Variants in ESR1 observed in about 807,000 individuals in gnomAD.
ESR1 encodes the protein estrogen receptor.
A neutral mutation model predicts 52.7 loss-of-function variants in ESR1; 12 were observed. The observed-to-expected ratio is 0.23, with a 90% CI of 0.15 to 0.37. The LOEUF is 0.37. Among genes scored for constraint, ESR1 ranks in the 10% least tolerant of loss-of-function variants. ESR1 has a pLI of 1.00. For missense variants in ESR1, 584 were observed against 779.7 expected, an observed-to-expected ratio of 0.75 and a Z score of 2.99; for synonymous variants, 305 against 316.8, an observed-to-expected ratio of 0.96 and a Z score of 0.39.
At chr6:152,034,783 G>A (rs890362688) in intron 5 of ESR1, among the ~76,000 whole-genome samples, 1 of 152,160 alleles carries the variant, frequency 6.6e-6, no homozygotes, top group African/African-American at 2.4e-5. Flanking sequence ...AGATCTTAAC[G>A]AGGTTTTTAC....
At chr6:151,870,495 A>G (rs570155860) in intron 2 of ESR1, among the ~76,000 whole-genome samples, 63 of 152,286 alleles carry the variant, frequency 4.1e-4, no homozygotes, top group Non-Finnish European at 7.5e-4. Context: ...TATTTCACCA[A>G]CCCTACCATG....
intron 5 of ESR1, among the ~76,000 whole-genome samples, chr6:152,037,605 A>G (rs1456818978): frequency 1.6e-4 from 24 of 152,160 alleles, no homozygotes; most frequent in Non-Finnish European, 5.9e-5. Flanking sequence ...AATAAAGGTA[A>G]GTGTTAAGTG....
chr6:152,125,321 T>C (rs1043384487), exon 7 of ESR1: 35 of 1,550,316 alleles, frequency 2.3e-5, no homozygotes, highest in Non-Finnish European at 3.1e-5. Context: ...CTAAAATATT[T>C]GGAAACAAGT....
intron 4 of ESR1, among the ~76,000 whole-genome samples, chr6:151,979,339 T>C (rs912318789): frequency 6.6e-6 from 1 of 152,200 alleles, no homozygotes; most frequent in Non-Finnish European, 1.5e-5. Flanking sequence ...CAAGGTTACT[T>C]ATTTTTTTTA....
intron 1 of ESR1, among the ~76,000 whole-genome samples, chr6:151,672,755 G>T (rs1023640319): frequency 7.0e-6 from 1 of 142,906 alleles, no homozygotes; most frequent in African/African-American, 2.7e-5. Flanking sequence ...TTACAGGCGT[G>T]AGCCACCATG....
At chr6:151,927,761 A>G (rs539798806) in intron 3 of ESR1, among the ~76,000 whole-genome samples, 1 of 151,890 alleles carries the variant, frequency 6.6e-6, no homozygotes, top group Non-Finnish European at 1.5e-5. Context: ...TCTGCCACCC[A>G]GGCTGGAGTG....
chr6:152,128,292 A>C (rs1482466172), exon 7 of ESR1: 2 of 152,240 alleles, frequency 1.3e-5, no homozygotes, highest in Non-Finnish European at 2.9e-5. Flanking sequence ...GAATGTATGC[A>C]CAGATTTTTA....
chr6:151,668,205 A>G (rs977632211), intron 1 of ESR1, among the ~76,000 whole-genome samples: 4 of 152,206 alleles, frequency 2.6e-5, no homozygotes, highest in Admixed American at 2.0e-4. Flanking sequence ...TGCTTCATGC[A>G]TGGTGCCTCC....
intron 2 of ESR1, among the ~76,000 whole-genome samples, chr6:151,715,693 A>C (rs1374566331): frequency 1.3e-5 from 2 of 152,036 alleles, no homozygotes; most frequent in Non-Finnish European, 2.9e-5. Context: ...CAGGTCATTT[A>C]TGTTCTGCTC....
At chr6:151,978,860 G>C (rs2039716394) in intron 4 of ESR1, among the ~76,000 whole-genome samples, 1 of 152,304 alleles carries the variant, frequency 6.6e-6, no homozygotes, top group Middle Eastern at 3.4e-3. Context: ...GGAGGATGTA[G>C]TTTAGGTTTC....
chr6:151,917,865 C>G (rs2128455048), intron 3 of ESR1, among the ~76,000 whole-genome samples: 1 of 152,240 alleles, frequency 6.6e-6, no homozygotes, highest in African/African-American at 2.4e-5. Flanking sequence ...TGATAATTTG[C>G]CAATATGATT....
chr6:151,850,012 GTATATATATACAAAATTATA>G (rs1786103971), intron 2 of ESR1, among the ~76,000 whole-genome samples: 1 of 42,332 alleles, frequency 2.4e-5, no homozygotes, highest in African/African-American at 7.5e-5. Flanking sequence ...ATATAATTTT[GTATATATATACAAAATTATA>G]TATATATATA....
At chr6:151,873,734 C>T (rs960124666) in intron 2 of ESR1, among the ~76,000 whole-genome samples, 1 of 152,168 alleles carries the variant, frequency 6.6e-6, no homozygotes, top group African/African-American at 2.4e-5. Context: ...GATTTCACAT[C>T]AGATTTAAAG....
At chr6:151,734,258 G>A (rs146070456) in intron 2 of ESR1, among the ~76,000 whole-genome samples, 130 of 152,242 alleles carry the variant, frequency 8.5e-4, no homozygotes, top group East Asian at 5.8e-3. Flanking sequence ...AAAATGAGAA[G>A]GGTGATCAAG....
intron 1 of ESR1, among the ~76,000 whole-genome samples, chr6:151,691,336 A>C (rs1199909913): frequency 6.6e-6 from 1 of 152,110 alleles, no homozygotes; most frequent in Non-Finnish European, 1.5e-5. Flanking sequence ...GCAGTGGGCT[A>C]CTCGGGTAAT....
At chr6:151,847,805 A>C (rs1450601828) in intron 2 of ESR1, among the ~76,000 whole-genome samples, 2 of 145,226 alleles carry the variant, frequency 1.4e-5, no homozygotes, top group Non-Finnish European at 3.0e-5. Flanking sequence ...TTGGACATGA[A>C]GTCCTTGCCC....
At chr6:151,956,193 T>A (rs1210340191) in intron 4 of ESR1, among the ~76,000 whole-genome samples, 1 of 152,190 alleles carries the variant, frequency 6.6e-6, no homozygotes, top group African/African-American at 2.4e-5. Context: ...ACATACGCGT[T>A]CATGTGTCTT....
intron 4 of ESR1, among the ~76,000 whole-genome samples, chr6:151,945,462 T>G (rs979768183): frequency 6.6e-6 from 1 of 152,232 alleles, no homozygotes; most frequent in Admixed American, 6.5e-5. Flanking sequence ...ACTGGTGTTC[T>G]GGTAAAATTG....
At chr6:151,790,821 G>A (rs1239178390) in intron 2 of ESR1, among the ~76,000 whole-genome samples, 3 of 152,092 alleles carry the variant, frequency 2.0e-5, no homozygotes, top group Admixed American at 6.5e-5. Flanking sequence ...TATTGGCCAC[G>A]AACATCTGTT....
Sources: gnomAD v4.1 joint callset for allele counts (sites outside exome capture counted in the v4.1 genomes callset) on GRCh38, gnomAD v4.1.1 for gene constraint, MANE v1.5 for transcripts, NCBI Gene and HGNC (gene_info 2026-07-23, HGNC 2026-07-21) for gene names.